Variants in RORB observed in about 807,000 individuals in gnomAD.
The protein encoded by RORB is nuclear receptor ROR-beta.
Under a neutral mutation model 59.1 loss-of-function variants are expected in RORB, and 6 were observed. The observed-to-expected ratio is 0.10, with a 90% confidence interval of 0.06 to 0.20. The LOEUF (loss-of-function observed/expected upper bound fraction) is 0.20. RORB is among the 10% of genes least tolerant of loss of function. RORB has a pLI of 1.00. For missense variants in RORB, 320 were observed against 560.5 expected, an observed-to-expected ratio of 0.57 and a Z score of 4.33; for synonymous variants, 215 against 204.5, an observed-to-expected ratio of 1.05 and a Z score of -0.44.
intron 1 of RORB, among the ~76,000 whole-genome samples, chr9:74,568,717 A>G (rs918742319): frequency 4.0e-5 from 6 of 151,480 alleles, no homozygotes; most frequent in African/African-American, 7.3e-5. Context: ...AAAAAAAAGA[A>G]AAAAAGAAAA....
rs115690748 is a variant in RORB, at chr9:74,630,862, G to A, written c.93+495G>A. Among the ~76,000 whole-genome samples the A allele has an allele frequency of 2.5e-3, 384 of 151,410 alleles. 1 individual carries two copies. The highest frequency in any genetic ancestry group is 8.8e-3 in the African/African-American group (363 of 41,400). ...AAAAGAAAAGAAAAGAAAACTGGAAGCATGGTATGTTAGAAGCCGAAAAGA... is the reference window on the plus strand; with the variant it reads ...AAAAGAAAAGAAAAGAAAACTGGAAACATGGTATGTTAGAAGCCGAAAAGA... On this transcript the variant is annotated intron_variant, in intron 2 of 9. Coordinates refer to ENST00000376896, the MANE Select transcript of RORB (RefSeq NM_006914.4).
chr9:74,577,726 C>T (rs986700231), intron 1 of RORB, among the ~76,000 whole-genome samples: 4 of 152,100 alleles, frequency 2.6e-5, no homozygotes, highest in Admixed American at 1.3e-4. Flanking sequence ...CTCACTGATC[C>T]TCAGATTCCC....
At chr9:74,549,522 AGG>A (rs1563934418) in intron 1 of RORB, among the ~76,000 whole-genome samples, 29,911 of 49,820 alleles carry the variant, frequency 0.6, 10,721 homozygotes, top group African/African-American at 0.72. Context: ...GAAAGAAGGG[AGG>A]GAGGGAGGGA....
chr9:74,658,125 A>G (rs1824118916), intron 4 of RORB, among the ~76,000 whole-genome samples: 1 of 152,054 alleles, frequency 6.6e-6, no homozygotes. Context: ...TGAATATATG[A>G]AGGCATTATG....
chr9:74,678,686 T>A (rs1039925665), intron 9 of RORB, among the ~76,000 whole-genome samples: 1 of 152,132 alleles, frequency 6.6e-6, no homozygotes. Flanking sequence ...CAAAAGGTCA[T>A]TTATGGTTAT....
chr9:74,498,334 G>A (rs1300628694), intron 1 of RORB: 3 of 295,546 alleles, frequency 1.0e-5, no homozygotes, highest in South Asian at 8.4e-5. Flanking sequence ...GGATGCCTCT[G>A]GACAGGAGCA....
chr9:74,616,248 G>A (rs888584463), intron 1 of RORB, among the ~76,000 whole-genome samples: 2 of 151,934 alleles, frequency 1.3e-5, no homozygotes, highest in African/African-American at 4.8e-5. Flanking sequence ...ATATTTCAGG[G>A]TAAAATGATT....
chr9:74,511,081 A>G (rs576868425), intron 1 of RORB, among the ~76,000 whole-genome samples: 1 of 152,340 alleles, frequency 6.6e-6, no homozygotes, highest in Non-Finnish European at 1.5e-5. Flanking sequence ...GCAGCCTCAC[A>G]GTGATGTTTA....
Position 74,691,643 on chromosome 9 carries a change from C to T in RORB, c.*6025C>T, listed in dbSNP as rs1353947094. The stretch of plus-strand genomic sequence containing the variant: ...TAAATAACTGGAGACGGTGAGTACA[C>T]TGATTTTTCTATGTCTCTGTTTAAG... On this transcript the variant is annotated 3_prime_UTR_variant, in exon 10 of 10. Coordinates refer to ENST00000376896, the MANE Select transcript of RORB (RefSeq NM_006914.4). 6.6e-6 allele frequency: 1 copy of T among 152,134 alleles called. No homozygotes were observed. Among genetic ancestry groups the T allele is most frequent in the Admixed American group, 6.5e-5 (1 of 15,272 alleles). The allele number at this position is 152,134 out of a possible 1,614,324, so 9.4% of individuals were successfully genotyped here.
At position 74,688,750 on chromosome 9, in the gene RORB, C is replaced by T. The variant is rs1020687281; in HGVS notation, c.*3132C>T. On this transcript the variant is annotated 3_prime_UTR_variant, in exon 10 of 10. Coordinates refer to ENST00000376896, the MANE Select transcript of RORB (RefSeq NM_006914.4). Reference sequence around the variant, plus strand: ...CATAAACTAGATTGACTTATTTGGACTTGCTGAAAAGTTGCACCCAAGTAA... The same window carrying T: ...CATAAACTAGATTGACTTATTTGGATTTGCTGAAAAGTTGCACCCAAGTAA... 2.6e-5 allele frequency: 4 copies of T among 152,282 alleles called. No homozygotes were observed. The highest frequency in any genetic ancestry group is 5.9e-5 in the Non-Finnish European group (4 of 68,020). The allele number at this position is 152,282 out of a possible 1,614,324, so 9.4% of individuals were successfully genotyped here.
chr9:74,576,333 G>A (rs1822634564), intron 1 of RORB, among the ~76,000 whole-genome samples: 2 of 152,080 alleles, frequency 1.3e-5, no homozygotes, highest in African/African-American at 2.4e-5. Flanking sequence ...ACCATTAACT[G>A]GACGAGCCTT....
At chr9:74,587,686 C>T (rs1822822180) in intron 1 of RORB, among the ~76,000 whole-genome samples, 1 of 152,134 alleles carries the variant, frequency 6.6e-6, no homozygotes, top group African/African-American at 2.4e-5. Context: ...GCTGGCATGA[C>T]TTATCCTCCA....
intron 1 of RORB, among the ~76,000 whole-genome samples, chr9:74,557,040 G>A (rs748039223): frequency 2.0e-5 from 3 of 151,524 alleles, no homozygotes; most frequent in Non-Finnish European, 2.9e-5. Flanking sequence ...CTACCCACTA[G>A]TACCTCCCCT....
In RORB at chr9:74,654,205, G is replaced by A. The variant is rs192278523; in HGVS notation, c.638-6412G>A. On this transcript the variant is annotated intron_variant, in intron 4 of 9. Transcript: ENST00000376896. ...TATTTACTTGTATAAACCTTATCAC[G>A]CACATCTCAATCATGCTGTAAATCC... Among the ~76,000 whole-genome samples, 75 of 152,126 alleles carry A rather than the reference G, an allele frequency of 4.9e-4. No homozygotes were observed. In the East Asian group the frequency reaches 0.014, roughly 29 times the overall value.
At chr9:74,532,872 GTA>G (rs72110032) in intron 1 of RORB, among the ~76,000 whole-genome samples, 1 of 144,650 alleles carries the variant, frequency 6.9e-6, no homozygotes, top group Non-Finnish European at 1.5e-5. Context: ...GTGTGTGTGT[GTA>G]TATATATATG....
rs531131893 is a variant in RORB at position 74,613,960 on chromosome 9, A to G, written c.8-16322A>G. Among the ~76,000 whole-genome samples, 4 of 152,118 alleles carry G rather than the reference A, an allele frequency of 2.6e-5. No individual in the cohort carries two copies. In the South Asian group the frequency reaches 6.2e-4, roughly 24 times the overall value. Reference sequence around the variant, plus strand: ...TCATGGTATATGTGTACCATATTTTATTTATTCAAGCCACCATTGGTGGGC... The same window carrying G: ...TCATGGTATATGTGTACCATATTTTGTTTATTCAAGCCACCATTGGTGGGC... On this transcript the variant is annotated intron_variant, in intron 1 of 9. Transcript: ENST00000376896.
In RORB at chr9:74,555,994, C is replaced by T. The variant is rs532268703; in HGVS notation, c.7+58011C>T. Among the ~76,000 whole-genome samples, 4 of 152,214 alleles carry T rather than the reference C, an allele frequency of 2.6e-5. No homozygotes were observed. The South Asian group carries it at 8.3e-4, about 32-fold the overall frequency. On this transcript the variant is annotated intron_variant, in intron 1 of 9. Coordinates refer to ENST00000376896, the MANE Select transcript of RORB (RefSeq NM_006914.4). ...TAAAATTAATTGAGTCATAAAATAT[C>T]GATGGTTCTTTATTTGCATGTATTT...
intron 1 of RORB, among the ~76,000 whole-genome samples, chr9:74,584,303 C>T (rs571986983): frequency 6.6e-6 from 1 of 152,202 alleles, no homozygotes; most frequent in South Asian, 2.1e-4. Flanking sequence ...TCCTTGGGAG[C>T]CAGTCTGTCT....
intron 1 of RORB, among the ~76,000 whole-genome samples, chr9:74,508,541 A>C (rs1404240646): frequency 6.6e-6 from 1 of 152,026 alleles, no homozygotes; most frequent in Non-Finnish European, 1.5e-5. Context: ...TAATGCTTTA[A>C]AAGTAAAGGG....
Sources: gnomAD v4.1 joint callset for allele counts (sites outside exome capture counted in the v4.1 genomes callset) on GRCh38, gnomAD v4.1.1 for gene constraint, MANE v1.5 for transcripts, NCBI Gene and HGNC (gene_info 2026-07-23, HGNC 2026-07-21) for gene names.